HPS4: variants seen among roughly 807,000 people sequenced by gnomAD.
HPS4 encodes the protein BLOC-3 complex member HPS4.
A neutral mutation model predicts 70.3 loss-of-function variants in HPS4; 44 were observed. The observed-to-expected ratio is 0.63, with a 90% confidence interval of 0.49 to 0.80. HPS4 has a LOEUF of 0.80. Ranked by LOEUF, HPS4 falls within the 30% of genes least tolerant of loss-of-function variation. The probability of loss-of-function intolerance (pLI) is 0.00; values close to 1 mark genes in which losing one functional copy is unlikely to be tolerated. For missense variants in HPS4, 873 were observed against 884.4 expected (o/e 0.99, Z 0.16); for synonymous variants, 377 against 355.9 (o/e 1.06, Z -0.67).
intron 4 of HPS4, chr22:26,475,741 T>C (rs1247185654): frequency 3.9e-5 from 6 of 151,976 alleles, no homozygotes; most frequent in African/African-American, 7.3e-5. Flanking sequence ...CTTTGAAAAC[T>C]GTAACAAAAT....
intron 4 of HPS4, among the ~76,000 whole-genome samples, chr22:26,474,734 TA>T (rs1236884464): frequency 3.3e-5 from 5 of 151,738 alleles, no homozygotes; most frequent in African/African-American, 1.2e-4. Flanking sequence ...ACAATTCAAT[TA>T]AAAAAATAAA....
intron 2 of HPS4, among the ~76,000 whole-genome samples, chr22:26,480,844 G>C (rs1026705544): frequency 6.6e-6 from 1 of 152,106 alleles, no homozygotes; most frequent in Non-Finnish European, 1.5e-5. Context: ...CTTGAGCCTG[G>C]GGGATTGAGG....
At chr22:26,465,885 C>A (rs2088489031) in intron 9 of HPS4, 2 of 580,880 alleles carry the variant, frequency 3.4e-6, no homozygotes. Context: ...AATAACTCTC[C>A]TGAGGACGCC....
At chr22:26,480,664 C>T (rs1335623049) in intron 2 of HPS4, among the ~76,000 whole-genome samples, 1 of 152,038 alleles carries the variant, frequency 6.6e-6, no homozygotes, top group African/African-American at 2.4e-5. Context: ...CACCTATAAT[C>T]CCAGCACTTT....
At chr22:26,457,813 G>C (rs1356749989) in intron 13 of HPS4, 46 bp downstream of exon 13, 2 of 1,447,284 alleles carry the variant, frequency 1.4e-6, no homozygotes, top group Non-Finnish European at 1.9e-6. Flanking sequence ...GTTCCCATGA[G>C]CAGGACCGTG....
intron 5 of HPS4, 137 bp downstream of exon 5, chr22:26,472,695 C>G: frequency 1.2e-6 from 1 of 810,218 alleles, no homozygotes; most frequent in South Asian, 1.4e-5. Flanking sequence ...GAGGGGCCTC[C>G]AAGAGCTCCT....
At chr22:26,447,994 C>G (rs1568990134), downstream of HPS4, among the ~76,000 whole-genome samples, 1 of 152,246 alleles carries the variant, frequency 6.6e-6, no homozygotes, top group South Asian at 2.1e-4. Context: ...GCACATTTAA[C>G]ACATGAGGAA....
intron 13 of HPS4, 120 bp from the exon 14 acceptor site, chr22:26,453,524 G>T: frequency 1.0e-6 from 1 of 999,336 alleles, no homozygotes; most frequent in Non-Finnish European, 1.6e-6. Context: ...GGCATGTGCA[G>T]CTGTCATGGC....
chr22:26,467,004 A>G (rs1029416147), intron 8 of HPS4: 5 of 152,450 alleles, frequency 3.3e-5, no homozygotes, highest in African/African-American at 9.7e-5. Context: ...AAAATCACAT[A>G]CAATCCCTCA....
chr22:26,473,606 G>A (rs901208157), intron 4 of HPS4, among the ~76,000 whole-genome samples: 32 of 152,174 alleles, frequency 2.1e-4, no homozygotes, highest in African/African-American at 7.5e-4. Flanking sequence ...TACTGGGCGT[G>A]GTGGTGTGTG....
chr22:26,462,375 G>A (rs2087480579), intron 11 of HPS4, among the ~76,000 whole-genome samples: 1 of 152,194 alleles, frequency 6.6e-6, no homozygotes, highest in African/African-American at 2.4e-5. Context: ...GGCAGTGGGG[G>A]GACAGAGAGG....
rs748533902 is a variant in HPS4 at position 26,458,483 on chromosome 22, T to C, written c.1808A>G (p.Asn603Ser). The change falls in exon 12 of 14, where the codon AAC becomes AGC. Residue 603 changes from asparagine to serine, a missense_variant. Physicochemically the swap from Asn to Ser is conservative, Grantham distance 46. Transcript: ENST00000398145. ...DEAASTSSTYNFTHYDRIQSL... is the reference protein window; with the variant it reads ...DEAASTSSTYSFTHYDRIQSL... ...CTGAATGCGGTCGTAATGTGTGAAG[T>C]TGTAGGTGCTGCTCGTGGAGGCTGC... 7 of 1,614,068 alleles carry C rather than the reference T, an allele frequency of 4.3e-6. No homozygotes were observed. In the South Asian group the frequency reaches 6.6e-5, roughly 15 times the overall value.
At chr22:26,483,635 C>T (rs1049465438) in intron 1 of HPS4, 39 bp downstream of exon 1, 12 of 337,758 alleles carry the variant, frequency 3.6e-5, no homozygotes, top group Non-Finnish European at 6.4e-5. Context: ...TGGGGGCCCG[C>T]CCCTCGGTAT....
At chr22:26,466,659 C>T (rs113721897) in intron 8 of HPS4, 389 of 294,500 alleles carry the variant, frequency 1.3e-3, no homozygotes, top group African/African-American at 8.0e-3. Flanking sequence ...ACATAAATTC[C>T]ATTATAATAA....
chr22:26,481,932 A>G lies in HPS4; in HGVS notation c.-170T>C, dbSNP rs1429421753. The G allele has an allele frequency of 5.8e-6, 4 of 688,360 alleles. No homozygotes were observed. Among genetic ancestry groups the G allele is most frequent in the African/African-American group, 5.3e-5 (3 of 56,780 alleles). The allele number at this position is 688,360 out of a possible 1,614,324, so 42.6% of individuals were successfully genotyped here. A position where few individuals can be genotyped will look rare whatever the true frequency, so the allele number is the denominator to read the frequency against. ...CTTGGTTAGTTTTCACTCAGCATGG[A>G]AAGTTCCACTTCCCTTCCTTGCAGG... On this transcript the variant is annotated 5_prime_UTR_variant, in exon 2 of 14. Coordinates refer to ENST00000398145, the MANE Select transcript of HPS4 (RefSeq NM_022081.6).
At chr22:26,474,955 G>A (rs1007209710) in intron 4 of HPS4, among the ~76,000 whole-genome samples, 4 of 152,148 alleles carry the variant, frequency 2.6e-5, no homozygotes, top group African/African-American at 4.8e-5. Flanking sequence ...TGGAGTAACT[G>A]GAATTCTCAT....
downstream of HPS4, among the ~76,000 whole-genome samples, chr22:26,446,953 T>C (rs879615808): frequency 3.3e-5 from 5 of 152,182 alleles, no homozygotes; most frequent in Non-Finnish European, 7.4e-5. Context: ...CTCGAACTCC[T>C]AACCTCAAGT....
Position 26,465,454 on chromosome 22 carries a change from C to T in HPS4, c.803+1G>A, listed in dbSNP as rs1476012328. ...GGTTAACTCTCTGTGCACTCCATTA[C>T]CTTGTCATCTGTTCCACCGGGAACT... On this transcript the variant is annotated splice_donor_variant, in intron 10 of 13. Coordinates refer to ENST00000398145, the MANE Select transcript of HPS4 (RefSeq NM_022081.6). LOFTEE classifies it high-confidence loss of function. 6.2e-7 allele frequency: 1 copy of T among 1,606,870 alleles called. No individual in the cohort carries two copies. Among genetic ancestry groups the T allele is most frequent in the African/African-American group, 1.3e-5 (1 of 74,752 alleles).
chr22:26,449,723 C>T (rs189296491), downstream of HPS4, among the ~76,000 whole-genome samples: 10 of 152,136 alleles, frequency 6.6e-5, no homozygotes, highest in East Asian at 1.9e-4. Flanking sequence ...CTCTGTGGCT[C>T]GGCGCTACTG....
Sources: gnomAD v4.1 joint callset for allele counts (sites outside exome capture counted in the v4.1 genomes callset) on GRCh38, gnomAD v4.1.1 for gene constraint, MANE v1.5 for transcripts, NCBI Gene and HGNC (gene_info 2026-07-23, HGNC 2026-07-21) for gene names.